Variants in KLHL1 observed in about 807,000 individuals in gnomAD.
KLHL1 encodes the protein kelch-like protein 1.
Under a neutral mutation model 77.7 loss-of-function variants are expected in KLHL1, and 47 were observed. The ratio of observed to expected loss-of-function variants is 0.60; its 90% CI spans 0.48 to 0.77. The LOEUF is 0.77. Ranked by LOEUF, KLHL1 falls within the 30% of genes least tolerant of loss-of-function variation. The pLI is 0.00. For missense variants in KLHL1, 925 were observed against 910.8 expected, an observed-to-expected ratio of 1.02 and a Z score of -0.20; for synonymous variants, 360 against 325.2, an observed-to-expected ratio of 1.11 and a Z score of -1.15.
rs187398564 is a variant in KLHL1 at position 70,046,756 on chromosome 13, C to T, written c.497+60447G>A. Reference sequence around the variant, plus strand: ...CTCAAACTCCTGGCCTCAAGTGATCCGCCCGCCTCGGCCTTCCAAAGTGCT... The same window carrying T: ...CTCAAACTCCTGGCCTCAAGTGATCTGCCCGCCTCGGCCTTCCAAAGTGCT... On this transcript the variant is annotated intron_variant, in intron 1 of 10. Transcript: ENST00000377844. 1.7e-4 allele frequency among the ~76,000 whole-genome samples: 26 copies of T among 152,138 alleles called. 1 individual carries two copies. The East Asian group carries it at 4.8e-3, about 28-fold the overall frequency.
chr13:69,935,207 T>TAATGGTGAACTTGGTACATAGTTCACCC lies in KLHL1; in HGVS notation c.1014+4832_1014+4833insGGGTGAACTATGTACCAAGTTCACCATT, dbSNP rs1883141859. 3.4e-5 allele frequency among the ~76,000 whole-genome samples: 4 copies of TAATGGTGAACTTGGTACATAGTTCACCC among 118,422 alleles called. No individual in the cohort carries two copies. The Admixed American group carries it at 3.6e-4, about 11-fold the overall frequency. The allele number at this position is 118,422 out of a possible 152,430, so 77.7% of individuals were successfully genotyped here. A position where few individuals can be genotyped will look rare whatever the true frequency, so the allele number is the denominator to read the frequency against. ...ACTGGTGAACGTGGTACATAGTTGG[T>TAATGGTGAACTTGGTACATAGTTCACCC]ACTGGTGAACTTGGTACATAGTTCA... On this transcript the variant is annotated intron_variant, in intron 4 of 10. Coordinates refer to ENST00000377844, the MANE Select transcript of KLHL1 (RefSeq NM_020866.3).
intron 7 of KLHL1, among the ~76,000 whole-genome samples, chr13:69,776,457 T>C (rs1875832177): frequency 6.6e-6 from 1 of 152,188 alleles, no homozygotes; most frequent in South Asian, 2.1e-4. Flanking sequence ...GTTTTCTCAT[T>C]TGTAAAATTA....
chr13:69,984,301 C>A (rs73514705), intron 1 of KLHL1, among the ~76,000 whole-genome samples: 23,090 of 152,050 alleles, frequency 0.15, 3,748 homozygotes, highest in African/African-American at 0.41. Context: ...GAGCTGCAGA[C>A]ATAGATAAGC....
intron 3 of KLHL1, among the ~76,000 whole-genome samples, chr13:69,951,333 C>T (rs1883702344): frequency 6.6e-6 from 1 of 151,124 alleles, no homozygotes; most frequent in Admixed American, 6.6e-5. Flanking sequence ...CCTTTATATT[C>T]TACATCATCA....
At chr13:70,002,295 T>A (rs773595013) in intron 1 of KLHL1, among the ~76,000 whole-genome samples, 1 of 151,632 alleles carries the variant, frequency 6.6e-6, no homozygotes, top group Non-Finnish European at 1.5e-5. Context: ...CTTTAAAGAA[T>A]GATTAATGTG....
chr13:69,742,405 G>C (rs1293319342), intron 7 of KLHL1, among the ~76,000 whole-genome samples: 1 of 152,018 alleles, frequency 6.6e-6, no homozygotes, highest in East Asian at 1.9e-4. Context: ...AAATATGAGA[G>C]ACCCATGAAG....
At chr13:69,827,385 T>G (rs887689500) in intron 6 of KLHL1, among the ~76,000 whole-genome samples, 1 of 151,966 alleles carries the variant, frequency 6.6e-6, no homozygotes, top group African/African-American at 2.4e-5. Flanking sequence ...ATAAAAATAA[T>G]ATAATAAGAA....
intron 5 of KLHL1, among the ~76,000 whole-genome samples, chr13:69,859,366 T>A (rs1880047845): frequency 6.6e-6 from 1 of 151,920 alleles, no homozygotes; most frequent in Non-Finnish European, 1.5e-5. Flanking sequence ...CTAATGGGAA[T>A]TATAAGCAGA....
At chr13:69,730,171 T>C (rs1005551828) in intron 8 of KLHL1, among the ~76,000 whole-genome samples, 4 of 152,242 alleles carry the variant, frequency 2.6e-5, no homozygotes, top group East Asian at 1.9e-4. Flanking sequence ...ATACATATTT[T>C]AAGGTTATTC....
chr13:70,002,868 C>T (rs1373879333), intron 1 of KLHL1, among the ~76,000 whole-genome samples: 1 of 151,570 alleles, frequency 6.6e-6, no homozygotes, highest in Non-Finnish European at 1.5e-5. Flanking sequence ...CATTCTTAAG[C>T]AAGTTACAAA....
chr13:69,769,466 C>G (rs1875460161), intron 7 of KLHL1, among the ~76,000 whole-genome samples: 1 of 152,114 alleles, frequency 6.6e-6, no homozygotes, highest in Non-Finnish European at 1.5e-5. Context: ...CTGGTGAAAC[C>G]CAACCTTCAA....
At chr13:69,921,139 T>C (rs770118994) in intron 4 of KLHL1, among the ~76,000 whole-genome samples, 7 of 152,174 alleles carry the variant, frequency 4.6e-5, no homozygotes, top group Non-Finnish European at 8.8e-5. Flanking sequence ...GCAATTATAA[T>C]AGCATTTTCT....
At chr13:70,013,094 G>A (rs531086193) in intron 1 of KLHL1, among the ~76,000 whole-genome samples, 4 of 151,736 alleles carry the variant, frequency 2.6e-5, no homozygotes, top group South Asian at 4.2e-4. Context: ...TAAAAATATC[G>A]GGGAATGATG....
intron 4 of KLHL1, chr13:69,895,076 C>T (rs745393557): frequency 4.6e-5 from 22 of 477,302 alleles, no homozygotes; most frequent in African/African-American, 1.4e-4. Context: ...TCACCCACTT[C>T]GGATCTTGCT....
At chr13:69,705,569 G>A (rs1875586031) in intron 10 of KLHL1, among the ~76,000 whole-genome samples, 1 of 151,662 alleles carries the variant, frequency 6.6e-6, no homozygotes, top group Non-Finnish European at 1.5e-5. Context: ...TTTTCAAGTA[G>A]GCTAGAATCC....
chr13:69,789,393 A>G (rs9572285), intron 7 of KLHL1, among the ~76,000 whole-genome samples: 56,237 of 151,714 alleles, frequency 0.37, 10,679 homozygotes, highest in African/African-American at 0.44. Flanking sequence ...GCAACAGCAT[A>G]TATGTTAGAA....
chr13:69,977,962 A>G (rs1401460934), intron 1 of KLHL1, among the ~76,000 whole-genome samples: 1 of 152,184 alleles, frequency 6.6e-6, no homozygotes, highest in East Asian at 1.9e-4. Context: ...ATATATATTT[A>G]TCTACACAAT....
intron 7 of KLHL1, among the ~76,000 whole-genome samples, chr13:69,743,527 G>C (rs923440413): frequency 6.6e-6 from 1 of 152,198 alleles, no homozygotes; most frequent in Non-Finnish European, 1.5e-5. Context: ...GCTCACGCCA[G>C]TAATCCTGAC....
At chr13:70,085,667 C>T (rs1451749778) in intron 1 of KLHL1, among the ~76,000 whole-genome samples, 2 of 152,106 alleles carry the variant, frequency 1.3e-5, no homozygotes, top group Non-Finnish European at 2.9e-5. Context: ...AGTTCGAGAT[C>T]AGCCTGGCCA....
Sources: gnomAD v4.1 joint callset for allele counts (sites outside exome capture counted in the v4.1 genomes callset) on GRCh38, gnomAD v4.1.1 for gene constraint, MANE v1.5 for transcripts, NCBI Gene and HGNC (gene_info 2026-07-23, HGNC 2026-07-21) for gene names.